OFD1: variants seen among roughly 807,000 people sequenced by gnomAD.
OFD1 encodes the protein OFD1 centriole and centriolar satellite protein.
OFD1 carries 12 observed loss-of-function variants against 81.4 expected under a neutral mutation model. The ratio of observed to expected loss-of-function variants is 0.15; its 90% CI spans 0.09 to 0.24. The LOEUF (loss-of-function observed/expected upper bound fraction) is 0.24. Ranked by LOEUF, OFD1 falls within the 10% of genes least tolerant of loss-of-function variation. The pLI is 1.00. For missense variants in OFD1, 685 were observed against 733.9 expected (o/e 0.93, Z 0.77); for synonymous variants, 256 against 263.7 (o/e 0.97, Z 0.28).
chrX:13,761,178 C>G lies in OFD1; in HGVS notation c.2354C>G (p.Pro785Arg). Residue 785 changes from proline (P) to arginine (R), a missense_variant, in exon 17 of 23, where the codon CCT becomes CGT. Pro to Arg is a moderately radical substitution (Grantham distance 103). This residue lies in a region of OFD1 where 259 missense variants were observed against 254.4 expected (regional missense o/e 1.02). Transcript: ENST00000340096. Reference sequence around the variant, plus strand: ...GAGTCTAGGCACAGCCTCTCCATCCCTCCTGTCTCCAGCCCTCCGGAGCAG... The same window carrying G: ...GAGTCTAGGCACAGCCTCTCCATCCGTCCTGTCTCCAGCCCTCCGGAGCAG... ...PTESRHSLSI[P>R]PVSSPPEQKV... 1 of 1,211,187 alleles carries G rather than the reference C, an allele frequency of 8.3e-7. No homozygotes were observed. Among genetic ancestry groups the G allele is most frequent in the Non-Finnish European group, 1.1e-6 (1 of 895,012 alleles).
At chrX:13,717,881 G>A in the OFD1 span, among the ~76,000 whole-genome samples, 2 of 112,222 alleles carry the variant, frequency 1.8e-5, no homozygotes, top group Non-Finnish European at 3.8e-5. Context: ...GATGTGGTTA[G>A]CTAAGATGAG....
At chrX:13,729,457 C>T in the OFD1 span, among the ~76,000 whole-genome samples, 1 of 112,154 alleles carries the variant, frequency 8.9e-6, no homozygotes, top group Non-Finnish European at 1.9e-5. Context: ...CATCTACAAC[C>T]ATCTGATCTT....
At chrX:13,753,771 C>T (rs1299539349) in intron 11 of OFD1, among the ~76,000 whole-genome samples, 1 of 105,634 alleles carries the variant, frequency 9.5e-6, no homozygotes, top group East Asian at 3.0e-4. Flanking sequence ...CGTATTACTC[C>T]TAACCATGAG....
At chrX:13,749,656 A>G in intron 9 of OFD1, 123 bp downstream of exon 9, 2 of 494,588 alleles carry the variant, frequency 4.0e-6, no homozygotes, top group Non-Finnish European at 7.1e-6. Context: ...AGGGGATATC[A>G]CCTAGAAGGT....
Position 13,760,232 on chromosome X carries a change from A to G in OFD1, c.1772A>G (p.Asn591Ser). The G allele has an allele frequency of 8.3e-7, 1 of 1,211,781 alleles. No individual in the cohort carries two copies. Among genetic ancestry groups the G allele is most frequent in the Non-Finnish European group, 1.1e-6 (1 of 895,538 alleles). The change falls in exon 16 of 23, where the codon AAC (asparagine) becomes AGC (serine). Residue 591 changes from asparagine to serine, a missense_variant. Physicochemically the swap from Asn to Ser is conservative, Grantham distance 46. Around this residue, in one of 3 missense-constraint regions of OFD1, gnomAD observed 414 missense variants for 447.2 expected, o/e 0.93. Coordinates refer to ENST00000340096, the MANE Select transcript of OFD1 (RefSeq NM_003611.3). ...CNGEISGDFL[N>S]NPFKQENVLA... Reference sequence around the variant, plus strand: ...GGTGAGATAAGTGGGGATTTCTTGAACAATCCTTTTAAACAGGAAAACGTT... The same window carrying G: ...GGTGAGATAAGTGGGGATTTCTTGAGCAATCCTTTTAAACAGGAAAACGTT...
At chrX:13,733,323 A>G (rs957630883), upstream of OFD1, among the ~76,000 whole-genome samples, 1 of 111,408 alleles carries the variant, frequency 9.0e-6, no homozygotes, top group Admixed American at 9.5e-5. Context: ...TCTCAGCCCT[A>G]TTGTTCCACC....
chrX:13,758,416 A>C lies in OFD1; in HGVS notation c.1622A>C (p.Asp541Ala). 8.3e-7 allele frequency: 1 copy of C among 1,202,008 alleles called. No homozygotes were observed. The highest frequency in any genetic ancestry group is 1.1e-6 in the Non-Finnish European group (1 of 887,183). ...SVKSLTTQVA[D>A]LKLQLKQTQT... ...AAGAGTTTAACTACTCAGGTTGCCG[A>C]TTTAAAATTGCAACTGAAGCAAACT... The change falls in exon 15 of 23, where the codon GAT (aspartate) becomes GCT (alanine). Residue 541 changes from aspartate (D) to alanine (A), a missense_variant. Physicochemically the swap from Asp to Ala is moderately radical, Grantham distance 126. Transcript: ENST00000340096.
intron 6 of OFD1, among the ~76,000 whole-genome samples, chrX:13,745,273 A>T (rs895192377): frequency 8.9e-6 from 1 of 112,661 alleles, no homozygotes; most frequent in African/African-American, 3.2e-5. Flanking sequence ...TGTGAGCCAC[A>T]TACATAATTT....
chrX:13,742,034 T>C (rs982465294), intron 5 of OFD1, among the ~76,000 whole-genome samples: 1 of 112,112 alleles, frequency 8.9e-6, no homozygotes, highest in Admixed American at 9.4e-5. Context: ...GAAAATGATG[T>C]GCACAAAATT....
intron 9 of OFD1, among the ~76,000 whole-genome samples, 180 bp from the exon 10 acceptor site, chrX:13,751,069 T>C (rs1039533980): frequency 8.9e-6 from 1 of 112,211 alleles, no homozygotes; most frequent in Non-Finnish European, 1.9e-5. Context: ...AGTTTCAATA[T>C]GCTGTAACTA....
chrX:13,730,102 G>A (rs1383522435), upstream of OFD1, among the ~76,000 whole-genome samples: 4 of 110,717 alleles, frequency 3.6e-5, no homozygotes, highest in African/African-American at 9.9e-5. Context: ...GCTTCTGCAC[G>A]GCAAAAGAAA....
At chrX:13,768,808 T>C (rs376240513) in intron 22 of OFD1, 23 bp downstream of exon 22, 148 of 1,139,896 alleles carry the variant, frequency 1.3e-4, no homozygotes, top group Non-Finnish European at 3.1e-5. Flanking sequence ...CCTACACACT[T>C]TCATACACAA....
intron 11 of OFD1, 115 bp from the exon 12 acceptor site, chrX:13,755,036 A>G (rs1048702971): frequency 4.1e-5 from 23 of 554,602 alleles, no homozygotes; most frequent in East Asian, 4.1e-4. Context: ...TACATCTGCT[A>G]TTTGGATTGT....
intron 10 of OFD1, among the ~76,000 whole-genome samples, chrX:13,751,571 T>G (rs183424356): frequency 6.6e-4 from 74 of 111,521 alleles, no homozygotes; most frequent in African/African-American, 2.3e-3. Flanking sequence ...TGGTGGCTCA[T>G]GCCTATAATC....
chrX:13,734,757 G>A lies in OFD1; in HGVS notation c.-315G>A. The A allele has an allele frequency of 9.6e-7, 1 of 1,045,664 alleles. No homozygotes were observed. The highest frequency in any genetic ancestry group is 1.2e-6 in the Non-Finnish European group (1 of 819,079). The allele number at this position is 1,045,664 out of a possible 1,213,427, so 86.2% of individuals were successfully genotyped here. A position where few individuals can be genotyped will look rare whatever the true frequency, so the allele number is the denominator to read the frequency against. ...TTCCGGAAGTTGCCGGACTGGCTGT[G>A]AGGCGGTCCTGCCTCGCTGCCTTCA... On this transcript the variant is annotated 5_prime_UTR_variant, in exon 1 of 23. Coordinates refer to ENST00000340096, the MANE Select transcript of OFD1 (RefSeq NM_003611.3).
chrX:13,741,091 G>A (rs929672728), intron 5 of OFD1, among the ~76,000 whole-genome samples: 4 of 110,560 alleles, frequency 3.6e-5, no homozygotes, highest in African/African-American at 1.3e-4. Context: ...AGTGAGCCAA[G>A]ATCACGCCAC....
At chrX:13,740,926 C>T (rs980494496) in intron 5 of OFD1, among the ~76,000 whole-genome samples, 2 of 110,479 alleles carry the variant, frequency 1.8e-5, no homozygotes, top group African/African-American at 6.6e-5. Flanking sequence ...ATCACGAGGT[C>T]GGGAGAGCAA....
chrX:13,718,406 AG>A, the OFD1 span, among the ~76,000 whole-genome samples: 5 of 113,161 alleles, frequency 4.4e-5, no homozygotes, highest in Non-Finnish European at 7.5e-5. Flanking sequence ...CTGAAGAATT[AG>A]GAGCAAACTG....
chrX:13,722,470 A>G, the OFD1 span, among the ~76,000 whole-genome samples: 1 of 111,263 alleles, frequency 9.0e-6, no homozygotes, highest in Admixed American at 9.6e-5. Context: ...GCTTGACTTC[A>G]GCTGCCAATT....
Sources: gnomAD v4.1 joint callset for allele counts (sites outside exome capture counted in the v4.1 genomes callset) on GRCh38, gnomAD v4.1.1 for gene constraint, gnomAD v4.1.1 regional missense constraint, MANE v1.5 for transcripts, NCBI Gene and HGNC (gene_info 2026-07-23, HGNC 2026-07-21) for gene names.